The following TTR variants were observed in gnomAD, a reference collection of about 807,000 sequenced individuals.
The protein encoded by TTR is epididymis luminal protein 111.
A neutral mutation model predicts 13.7 loss-of-function variants in TTR; 8 were observed. The ratio of observed to expected loss-of-function variants is 0.58; its 90% CI spans 0.34 to 1.05. The LOEUF is 1.05. TTR is among the 50% of genes least tolerant of loss of function. The pLI, the probability that TTR is intolerant of heterozygous loss-of-function variation, is 0.02. For missense variants in TTR, 135 were observed against 185.5 expected, an observed-to-expected ratio of 0.73 and a Z score of 1.58; for synonymous variants, 75 against 71.7, an observed-to-expected ratio of 1.05 and a Z score of -0.23.
intron 2 of TTR, 73 bp downstream of exon 2, chr18:31,593,099 G>T (rs1470511856): frequency 3.1e-6 from 5 of 1,602,134 alleles, no homozygotes; most frequent in Middle Eastern, 1.9e-4. Flanking sequence ...GTAGAGAGAG[G>T]CTCACATCAT....
In TTR at chr18:31,593,021, C is replaced by T. The variant is rs571695233; in HGVS notation, c.195C>T (p.Ala65=). ...CTGATGACACCTGGGAGCCATTTGC[C>T]TCTGGGTAAGTTGCCAAAGAACCCT... is the stretch of plus-strand genomic sequence containing the variant. ...KAADDTWEPF[A]SGKTSESGEL... The change falls in exon 2 of 4, where the codon GCC becomes GCT. Residue 65 remains alanine (A), a synonymous_variant. Transcript: ENST00000237014. 6.2e-7 allele frequency: 1 copy of T among 1,613,942 alleles called. No individual in the cohort carries two copies. Among genetic ancestry groups the T allele is most frequent in the Non-Finnish European group, 8.5e-7 (1 of 1,179,888 alleles).
intron 1 of TTR, 121 bp from the exon 2 acceptor site, chr18:31,592,775 T>G: frequency 7.5e-7 from 1 of 1,333,690 alleles, no homozygotes; most frequent in Non-Finnish European, 1.1e-6. Flanking sequence ...GACACTTACG[T>G]TCCTGATAAT....
chr18:31,598,005 A>G, intron 3 of TTR: 2 of 189,624 alleles, frequency 1.1e-5, no homozygotes, highest in Middle Eastern at 1.0e-3. Flanking sequence ...TTCATGTTAG[A>G]AAATGCAAAG....
intron 1 of TTR, among the ~76,000 whole-genome samples, chr18:31,592,662 A>G (rs1045723794): frequency 6.6e-6 from 1 of 152,198 alleles, no homozygotes; most frequent in Non-Finnish European, 1.5e-5. Flanking sequence ...AATTCATTAT[A>G]CACATCCCTG....
intron 3 of TTR, among the ~76,000 whole-genome samples, chr18:31,596,573 A>G (rs1335129360): frequency 6.6e-6 from 1 of 152,150 alleles, no homozygotes; most frequent in Non-Finnish European, 1.5e-5. Context: ...GGAACCATAT[A>G]AAAAGGTTCA....
intron 2 of TTR, among the ~76,000 whole-genome samples, chr18:31,594,218 T>A (rs2073503697): frequency 6.6e-6 from 1 of 152,188 alleles, no homozygotes; most frequent in Admixed American, 6.5e-5. Context: ...GCTATTTTTA[T>A]CTATCGTAGC....
In TTR at chr18:31,593,273, C is replaced by G. The variant is rs1439694002; in HGVS notation, c.200+247C>G. Reference sequence around the variant, plus strand: ...AAGAAGGAATCAGAACTCCTCTCCTCTAGCTGTGGTTTGCAACCCTTTTGG... The same window carrying G: ...AAGAAGGAATCAGAACTCCTCTCCTGTAGCTGTGGTTTGCAACCCTTTTGG... On this transcript the variant is annotated intron_variant, in intron 2 of 3. Transcript: ENST00000237014. 8.8e-6 allele frequency: 4 copies of G among 453,396 alleles called. No individual in the cohort carries two copies. The East Asian group carries it at 1.9e-4, about 22-fold the overall frequency. The allele number at this position is 453,396 out of a possible 1,614,324, so 28.1% of individuals were successfully genotyped here. A position where few individuals can be genotyped will look rare whatever the true frequency, so the allele number is the denominator to read the frequency against.
intron 3 of TTR, 23 bp downstream of exon 3, chr18:31,595,278 G>A (rs1352469959): frequency 6.2e-7 from 1 of 1,614,088 alleles, no homozygotes; most frequent in Non-Finnish European, 8.5e-7. Context: ...ACCTTCGAGG[G>A]TTGTTTTGGT....
At chr18:31,592,406 C>T (rs1420887931) in intron 1 of TTR, among the ~76,000 whole-genome samples, 1 of 152,202 alleles carries the variant, frequency 6.6e-6, no homozygotes, top group Non-Finnish European at 1.5e-5. Flanking sequence ...GAACAATATT[C>T]TAGTCAGATA....
chr18:31,593,371 C>T, intron 2 of TTR: 1 of 304,552 alleles, frequency 3.3e-6, no homozygotes. Flanking sequence ...GATACACACA[C>T]ATACAAAATC....
intron 2 of TTR, chr18:31,593,433 C>A (rs950208856): frequency 2.0e-5 from 5 of 256,226 alleles, no homozygotes; most frequent in African/African-American, 1.1e-4. Context: ...CTGGGTAACA[C>A]CAAAGCTAAG....
intron 3 of TTR, among the ~76,000 whole-genome samples, chr18:31,596,570 T>C (rs191854959): frequency 4.5e-4 from 69 of 152,118 alleles, no homozygotes; most frequent in African/African-American, 1.4e-3. Flanking sequence ...ATGGGAACCA[T>C]ATAAAAAGGT....
At chr18:31,597,845 CCA>C (rs1317581055) in intron 3 of TTR, among the ~76,000 whole-genome samples, 4 of 152,130 alleles carry the variant, frequency 2.6e-5, no homozygotes, top group Non-Finnish European at 5.9e-5. Flanking sequence ...CACAATTTGC[CCA>C]GTTACAAAGC....
At chr18:31,593,175 G>T in intron 2 of TTR, 149 bp downstream of exon 2, 1 of 1,180,166 alleles carries the variant, frequency 8.5e-7, no homozygotes, top group Non-Finnish European at 1.2e-6. Context: ...TCTGAAGGAT[G>T]CCCTCTTTTT....
At chr18:31,593,059 G>T in intron 2 of TTR, 33 bp downstream of exon 2, 6 of 1,612,586 alleles carry the variant, frequency 3.7e-6, no homozygotes, top group South Asian at 1.1e-5. Context: ...CACAGGACTT[G>T]GTTTTATCTT....
chr18:31,594,033 A>G (rs773407451), intron 2 of TTR, among the ~76,000 whole-genome samples: 37 of 152,248 alleles, frequency 2.4e-4, no homozygotes, highest in Non-Finnish European at 4.6e-4. Flanking sequence ...ATGTTTATAT[A>G]AAATGCCAAG....
chr18:31,595,755 A>T (rs2073513666), intron 3 of TTR: 1 of 329,722 alleles, frequency 3.0e-6, no homozygotes, highest in Non-Finnish European at 5.9e-6. Context: ...TTTACCAAGC[A>T]TACACCATGT....
intron 2 of TTR, 120 bp downstream of exon 2, chr18:31,593,146 G>A: frequency 6.6e-7 from 1 of 1,506,608 alleles, no homozygotes; most frequent in Non-Finnish European, 9.1e-7. Flanking sequence ...AAAAACGTAG[G>A]CAGAGGTCAA....
In TTR at chr18:31,598,698, T is replaced by C. The variant is rs1567947059; in HGVS notation, c.*23T>C. ...TGAGGGACTTCTCCTCCAGTGGACC[T>C]GAAGGACGAGGGATGGGATTTCATG... On this transcript the variant is annotated 3_prime_UTR_variant, in exon 4 of 4. Transcript: ENST00000237014. 6.2e-7 allele frequency: 1 copy of C among 1,611,444 alleles called. No individual in the cohort carries two copies. The highest frequency in any genetic ancestry group is 8.5e-7 in the Non-Finnish European group (1 of 1,177,540).
Sources: allele counts gnomAD v4.1 joint callset (sites outside exome capture counted in the v4.1 genomes callset), GRCh38; gene constraint gnomAD v4.1.1; transcripts MANE v1.5; gene names NCBI Gene and HGNC (gene_info 2026-07-23, HGNC 2026-07-21).